The following ANKS1B variants were observed in gnomAD, a reference collection of about 807,000 sequenced individuals.
ANKS1B encodes ankyrin repeat and sterile alpha motif domain-containing protein 1B.
In ANKS1B, 36 loss-of-function variants were observed where a neutral mutation model predicts 148.3. That is an observed-to-expected ratio of 0.24 (90% CI 0.19 to 0.32). The LOEUF (loss-of-function observed/expected upper bound fraction) is 0.32. ANKS1B is among the 10% of genes least tolerant of loss of function. The pLI is 1.00. For missense variants in ANKS1B, 1,157 were observed against 1,542.6 expected (o/e 0.75, Z 4.19); for synonymous variants, 542 against 560.8 (o/e 0.97, Z 0.47).
chr12:99,536,616 T>A (rs2097070462), intron 9 of ANKS1B, among the ~76,000 whole-genome samples: 1 of 148,690 alleles, frequency 6.7e-6, no homozygotes, highest in East Asian at 1.9e-4. Context: ...AAATTTTTAT[T>A]TTAATTTAAA....
chr12:99,138,410 G>C (rs1461415154), intron 15 of ANKS1B, among the ~76,000 whole-genome samples: 1 of 152,166 alleles, frequency 6.6e-6, no homozygotes, highest in African/African-American at 2.4e-5. Flanking sequence ...CAGGAAGATG[G>C]GCTTGTTTGG....
intron 17 of ANKS1B, among the ~76,000 whole-genome samples, chr12:98,964,795 T>C (rs1302626916): frequency 1.3e-5 from 2 of 152,142 alleles, no homozygotes. Context: ...GAATGATGGT[T>C]ACCAGAGGTT....
At chr12:98,743,418 T>C (rs1168505893), downstream of ANKS1B, among the ~76,000 whole-genome samples, 2 of 152,204 alleles carry the variant, frequency 1.3e-5, no homozygotes, top group African/African-American at 4.8e-5. Flanking sequence ...CTTTTTTGAG[T>C]AATGATGTTA....
chr12:99,759,791 A>G (rs1288515985), intron 8 of ANKS1B, among the ~76,000 whole-genome samples: 5 of 151,994 alleles, frequency 3.3e-5, no homozygotes, highest in African/African-American at 1.2e-4. Flanking sequence ...CATTATCCAG[A>G]ATGTGAGGTT....
chr12:99,490,454 T>C (rs2152964838), intron 10 of ANKS1B, among the ~76,000 whole-genome samples: 1 of 152,368 alleles, frequency 6.6e-6, no homozygotes, highest in Non-Finnish European at 1.5e-5. Context: ...ATTTATTGAC[T>C]GAGATTAAAT....
At chr12:99,289,536 A>G (rs533450050) in intron 12 of ANKS1B, among the ~76,000 whole-genome samples, 1 of 152,210 alleles carries the variant, frequency 6.6e-6, no homozygotes, top group South Asian at 2.1e-4. Flanking sequence ...AGAAGTCTTA[A>G]AGAATTAAAA....
intron 9 of ANKS1B, among the ~76,000 whole-genome samples, chr12:99,593,893 G>T (rs2153264092): frequency 6.6e-6 from 1 of 151,930 alleles, no homozygotes; most frequent in South Asian, 2.1e-4. Flanking sequence ...GTCTTTTTCA[G>T]TTTACAAAGT....
chr12:99,137,850 A>G (rs1315248436), intron 15 of ANKS1B, among the ~76,000 whole-genome samples: 1 of 152,012 alleles, frequency 6.6e-6, no homozygotes, highest in Non-Finnish European at 1.5e-5. Context: ...TAATCTATCA[A>G]GAGGTAAACC....
At chr12:99,978,133 G>A (rs1304232234) in intron 1 of ANKS1B, among the ~76,000 whole-genome samples, 3 of 152,150 alleles carry the variant, frequency 2.0e-5, no homozygotes, top group Non-Finnish European at 4.4e-5. Flanking sequence ...ATTGTTTACT[G>A]TCACCTGAAA....
At chr12:99,639,379 T>C (rs1485346741) in intron 9 of ANKS1B, among the ~76,000 whole-genome samples, 1 of 152,210 alleles carries the variant, frequency 6.6e-6, no homozygotes, top group African/African-American at 2.4e-5. Flanking sequence ...GGTAAGACTT[T>C]GGACTGTGGA....
intron 9 of ANKS1B, among the ~76,000 whole-genome samples, chr12:99,646,925 C>CA (rs987633786): frequency 6.7e-6 from 1 of 148,440 alleles, no homozygotes; most frequent in Admixed American, 6.7e-5. Flanking sequence ...AGGTAAAACT[C>CA]AAAAATTGCA....
chr12:99,526,964 C>T (rs796754080), intron 9 of ANKS1B, among the ~76,000 whole-genome samples: 21 of 152,280 alleles, frequency 1.4e-4, no homozygotes, highest in Middle Eastern at 3.4e-3. Flanking sequence ...CAGACTTGTA[C>T]ACAGGTATAA....
At chr12:99,962,390 T>C (rs1422313994) in intron 1 of ANKS1B, among the ~76,000 whole-genome samples, 1 of 152,194 alleles carries the variant, frequency 6.6e-6, no homozygotes, top group Non-Finnish European at 1.5e-5. Flanking sequence ...TTCCTTTTTA[T>C]TTTATGGCTG....
intron 8 of ANKS1B, among the ~76,000 whole-genome samples, chr12:99,728,878 C>T (rs1165278901): frequency 2.0e-5 from 3 of 152,148 alleles, no homozygotes; most frequent in African/African-American, 7.2e-5. Flanking sequence ...AGAAAACTAA[C>T]ACAGGAAGAG....
At chr12:99,805,411 C>T (rs1487661337) in intron 4 of ANKS1B, among the ~76,000 whole-genome samples, 2 of 151,910 alleles carry the variant, frequency 1.3e-5, no homozygotes, top group Non-Finnish European at 2.9e-5. Context: ...ATTGCTTGAG[C>T]CCAGGAGTTC....
At chr12:99,619,890 G>C (rs1479757900) in intron 9 of ANKS1B, among the ~76,000 whole-genome samples, 1 of 152,164 alleles carries the variant, frequency 6.6e-6, no homozygotes, top group African/African-American at 2.4e-5. Flanking sequence ...AGACCTGCCT[G>C]TTCCAGTACC....
intron 8 of ANKS1B, among the ~76,000 whole-genome samples, chr12:99,755,016 G>T (rs1052026128): frequency 1.3e-5 from 2 of 151,578 alleles, no homozygotes; most frequent in Non-Finnish European, 1.5e-5. Flanking sequence ...AATTTAAGGA[G>T]ATTGAGACAC....
At chr12:99,484,982 T>A (rs1333358908) in intron 10 of ANKS1B, among the ~76,000 whole-genome samples, 2 of 151,932 alleles carry the variant, frequency 1.3e-5, no homozygotes, top group Admixed American at 6.6e-5. Flanking sequence ...ATTCTGCCAT[T>A]CTGTACCTTT....
intron 1 of ANKS1B, among the ~76,000 whole-genome samples, chr12:99,924,377 T>C (rs1332746886): frequency 6.6e-6 from 1 of 152,192 alleles, no homozygotes; most frequent in Non-Finnish European, 1.5e-5. Flanking sequence ...CTCAAGATAT[T>C]TCCCCATTCT....
Sources: gnomAD v4.1 joint callset for allele counts (sites outside exome capture counted in the v4.1 genomes callset) on GRCh38, gnomAD v4.1.1 for gene constraint, MANE v1.5 for transcripts, NCBI Gene and HGNC (gene_info 2026-07-23, HGNC 2026-07-21) for gene names.